The following IGSF9B variants were observed in gnomAD, a reference collection of about 807,000 sequenced individuals.
The protein encoded by IGSF9B is immunoglobulin superfamily member 9B, also known as protein turtle homolog B.
Under a neutral mutation model 143.7 loss-of-function variants are expected in IGSF9B, and 48 were observed. That is an observed-to-expected ratio of 0.33 (90% confidence interval 0.26 to 0.42). The LOEUF (loss-of-function observed/expected upper bound fraction) is 0.42, where lower values mean the gene tolerates loss of function less well. IGSF9B is among the 20% of genes least tolerant of loss of function. IGSF9B has a pLI of 1.00. For missense variants in IGSF9B, 1,706 were observed against 1,980.0 expected (o/e 0.86, Z 2.63); for synonymous variants, 903 against 833.1 (o/e 1.08, Z -1.44).
chr11:133,956,646 A>G, intron 1 of IGSF9B, 45 bp downstream of exon 1: 1 of 1,371,112 alleles, frequency 7.3e-7, no homozygotes, highest in Non-Finnish European at 1.0e-6. Context: ...CGAGGGGCCG[A>G]GGGCGCCGGG....
At position 133,920,840 on chromosome 11, in the gene IGSF9B, T is replaced by C. The variant is rs749627499; in HGVS notation, c.2885A>G (p.His962Arg). The change falls in exon 18 of 20, where the codon CAC becomes CGC. Residue 962 changes from histidine to arginine, a missense_variant. His to Arg is a conservative substitution (Grantham distance 29). Coordinates refer to ENST00000533871, the MANE Select transcript of IGSF9B (RefSeq NM_001277285.4). Reference protein sequence around the residue: ...QARPPAPRPFHHGQYYGYLSS... With the variant: ...QARPPAPRPFRHGQYYGYLSS... ...GAGGTACCCATAATACTGGCCATGG[T>C]GGAAGGGCCGGGGGGCAGGGGGCCG... 1 of 1,596,682 alleles carries C rather than the reference T, an allele frequency of 6.3e-7. No homozygotes were observed. Among genetic ancestry groups the C allele is most frequent in the Admixed American group, 1.7e-5 (1 of 58,398 alleles).
At position 133,909,817 on chromosome 11, in the gene IGSF9B, G is replaced by A. The variant is rs1425859345; in HGVS notation, c.4106-540C>T. On this transcript the variant is annotated intron_variant, in intron 19 of 19. Transcript: ENST00000533871. The surrounding 1 kb of genome is among the most constrained non-coding windows in gnomAD (Gnocchi z 4.2). ...TCAAAGACTATGCATCCATGTGAGG[G>A]TGCAGAGGAAGAGACAAACTGTCAA... Among the ~76,000 whole-genome samples the A allele has an allele frequency of 6.6e-6, 1 of 152,198 alleles. No individual in the cohort carries two copies. The highest frequency in any genetic ancestry group is 1.5e-5 in the Non-Finnish European group (1 of 68,052).
Position 133,929,602 on chromosome 11 carries a change from C to G in IGSF9B, c.1631+69G>C, listed in dbSNP as rs1319900353. ...CCTACCTCCCCCCACCCGGGGTAGC[C>G]TGCAGGAAGACCGGGGAGGGGAGAA... is the stretch of plus-strand genomic sequence containing the variant. On this transcript the variant is annotated intron_variant, in intron 12 of 19. Transcript: ENST00000533871. 9.3e-6 allele frequency: 11 copies of G among 1,181,376 alleles called. No individual in the cohort carries two copies. In the East Asian group the frequency reaches 2.6e-4, roughly 28 times the overall value. 73.2% of individuals were successfully genotyped at this position (1,181,376 alleles called of 1,614,324 possible). A position where few individuals can be genotyped will look rare whatever the true frequency, so the allele number is the denominator to read the frequency against.
chr11:133,953,848 C>A lies in IGSF9B; in HGVS notation c.64+2843G>T, dbSNP rs1042060974. On this transcript the variant is annotated intron_variant, in intron 1 of 19. Coordinates refer to ENST00000533871, the MANE Select transcript of IGSF9B (RefSeq NM_001277285.4). The surrounding 1 kb of genome is among the most constrained non-coding windows in gnomAD (Gnocchi z 4.2). The stretch of plus-strand genomic sequence containing the variant: ...CACACCAATCACTGTCTTCCAGGTT[C>A]TGGGTACCACTCCAGCCCCTCTCTT... Among the ~76,000 whole-genome samples the A allele has an allele frequency of 5.3e-5, 8 of 152,182 alleles. No homozygotes were observed. Among genetic ancestry groups the A allele is most frequent in the African/African-American group, 1.9e-4 (8 of 41,448 alleles).
chr11:133,916,211 G>A (rs1939379222), intron 18 of IGSF9B, among the ~76,000 whole-genome samples: 1 of 152,116 alleles, frequency 6.6e-6, no homozygotes, highest in Non-Finnish European at 1.5e-5. Flanking sequence ...TCCACAGAAA[G>A]GACAGGTCCA....
In IGSF9B at chr11:133,931,264, G is replaced by A. The variant is rs540322632; in HGVS notation, c.1369-130C>T. On this transcript the variant is annotated intron_variant, in intron 10 of 19. Transcript: ENST00000533871. This position sits in a 1 kb window ranked among gnomAD's most constrained non-coding sequence, Gnocchi z 7.7. Reference sequence around the variant, plus strand: ...GCTGCCCTCCTCCCGAGTGCCTGCCGCTCTTCAGGGTCAGCTCACTGCTCG... The same window carrying A: ...GCTGCCCTCCTCCCGAGTGCCTGCCACTCTTCAGGGTCAGCTCACTGCTCG... The A allele has an allele frequency of 8.8e-5, 90 of 1,019,804 alleles. No homozygotes were observed. Among genetic ancestry groups the A allele is most frequent in the Non-Finnish European group, 1.2e-4 (83 of 685,582 alleles). 63.2% of individuals were successfully genotyped at this position (1,019,804 alleles called of 1,614,324 possible).
chr11:133,938,002 C>G (rs916207334), intron 3 of IGSF9B, 41 bp from the exon 4 acceptor site: 1 of 1,603,114 alleles, frequency 6.2e-7, no homozygotes, highest in African/African-American at 1.3e-5. Flanking sequence ...CGCCATCAGC[C>G]ACATCGCTGC....
chr11:133,944,464 T>A (rs1940008802), intron 2 of IGSF9B, 98 bp from the exon 3 acceptor site: 2 of 1,247,676 alleles, frequency 1.6e-6, no homozygotes, highest in Admixed American at 2.0e-5. Flanking sequence ...CTCATCATAA[T>A]CTTCATACCA....
chr11:133,929,615 G>C, intron 12 of IGSF9B, 56 bp downstream of exon 12: 1 of 1,305,366 alleles, frequency 7.7e-7, no homozygotes, highest in African/African-American at 1.4e-5. Context: ...CAGGAAGACC[G>C]GGGAGGGGAG....
At chr11:133,956,550 G>A (rs1008243658) in intron 1 of IGSF9B, 141 bp downstream of exon 1, 2 of 515,510 alleles carry the variant, frequency 3.9e-6, no homozygotes, top group Admixed American at 8.8e-5. Flanking sequence ...GGCCCGCGTC[G>A]GAGCCCAAGC....
intron 15 of IGSF9B, among the ~76,000 whole-genome samples, chr11:133,923,100 T>C (rs1452703299): frequency 6.6e-6 from 1 of 152,250 alleles, no homozygotes; most frequent in Non-Finnish European, 1.5e-5. Context: ...ACACATACTG[T>C]TCTCATTCTC....
At chr11:133,917,299 G>A (rs1939406558) in intron 18 of IGSF9B, among the ~76,000 whole-genome samples, 1 of 152,124 alleles carries the variant, frequency 6.6e-6, no homozygotes, top group Non-Finnish European at 1.5e-5. Context: ...CTCTGTGAGG[G>A]ACTCAGAGGC....
chr11:133,924,598 G>A (rs997943178), intron 15 of IGSF9B, among the ~76,000 whole-genome samples: 76 of 152,284 alleles, frequency 5.0e-4, no homozygotes, highest in African/African-American at 1.6e-3. Flanking sequence ...TCTTATACAA[G>A]TGTCAGAAAC....
chr11:133,916,760 C>T (rs1939389865), intron 18 of IGSF9B, among the ~76,000 whole-genome samples: 1 of 152,148 alleles, frequency 6.6e-6, no homozygotes, highest in Non-Finnish European at 1.5e-5. Flanking sequence ...TAGGAATTTC[C>T]AGGAGCTGGG....
At chr11:133,933,910 A>G (rs181961782) in intron 7 of IGSF9B, among the ~76,000 whole-genome samples, 18 of 152,286 alleles carry the variant, frequency 1.2e-4, no homozygotes, top group Admixed American at 1.0e-3. Flanking sequence ...TGAGCTCTTC[A>G]GAGAACAGTG....
In IGSF9B at chr11:133,927,669, G is replaced by A. The variant is rs187973956; in HGVS notation, c.1632-578C>T. Among the ~76,000 whole-genome samples, 486 of 152,322 alleles carry A rather than the reference G, an allele frequency of 3.2e-3. 2 individuals are homozygous for A. The highest frequency in any genetic ancestry group is 0.011 in the African/African-American group (457 of 41,580). On this transcript the variant is annotated intron_variant, in intron 12 of 19. Transcript: ENST00000533871. ...CCTAAGGCCGTAAGGGTTGGAAGAA[G>A]GTCACGCTATGCATGGAGAGTAGGA...
intron 18 of IGSF9B, among the ~76,000 whole-genome samples, chr11:133,912,634 G>A (rs1226396528): frequency 6.6e-6 from 1 of 152,202 alleles, no homozygotes; most frequent in Non-Finnish European, 1.5e-5. Context: ...CCTCGACCCT[G>A]CAGACGAGGC....
At chr11:133,922,851 C>T in intron 15 of IGSF9B, 121 bp from the exon 16 acceptor site, 2 of 907,804 alleles carry the variant, frequency 2.2e-6, no homozygotes, top group Non-Finnish European at 1.6e-6. Context: ...AAGGCTCGGG[C>T]TCCAAGCTGA....
Position 133,920,328 on chromosome 11 carries a change from C to T in IGSF9B, c.3397G>A (p.Gly1133Arg). 1 of 1,591,910 alleles carries T rather than the reference C, an allele frequency of 6.3e-7. No homozygotes were observed. Among genetic ancestry groups the T allele is most frequent in the Non-Finnish European group, 8.6e-7 (1 of 1,168,722 alleles). Residue 1133 changes from glycine to arginine, a missense_variant, in exon 18 of 20, where the codon GGG (glycine) becomes AGG (arginine). Physicochemically the swap from Gly to Arg is moderately radical, Grantham distance 125. This residue lies in a region of IGSF9B where 880 missense variants were observed against 762.9 expected (regional missense o/e 1.15). Coordinates refer to ENST00000533871, the MANE Select transcript of IGSF9B (RefSeq NM_001277285.4). ...CCTTGGCTTGTATGTCGCAGCTGCC[C>T]TTGGCTTACCAGAGGTTGCATAGGT... ...DRPMQPLVSQGQLRHTSQGMG... is the reference protein window; with the variant it reads ...DRPMQPLVSQRQLRHTSQGMG...
Sources: gnomAD v4.1 joint callset for allele counts (sites outside exome capture counted in the v4.1 genomes callset) on GRCh38, gnomAD v4.1.1 for gene constraint, gnomAD v4.1.1 regional missense constraint, Gnocchi (gnomAD v3.1) non-coding constraint, MANE v1.5 for transcripts, NCBI Gene and HGNC (gene_info 2026-07-23, HGNC 2026-07-21) for gene names.